Variants in ZFAND6 observed in about 807,000 individuals in gnomAD.
The protein encoded by ZFAND6 is AN1-type zinc finger protein 6.
ZFAND6 carries 12 observed loss-of-function variants against 24.5 expected under a neutral mutation model. The observed-to-expected ratio is 0.49, with a 90% CI of 0.31 to 0.79. The LOEUF (loss-of-function observed/expected upper bound fraction) is 0.79, where lower values mean the gene tolerates loss of function less well. Ranked by LOEUF, ZFAND6 falls within the 30% of genes least tolerant of loss-of-function variation. The pLI is 0.04. For synonymous variants in ZFAND6, 92 were observed against 81.5 expected (o/e 1.13, Z -0.69); for missense variants, 207 against 245.9 (o/e 0.84, Z 1.06).
chr15:80,135,636 A>G (rs2040827491), intron 6 of ZFAND6, among the ~76,000 whole-genome samples: 1 of 152,264 alleles, frequency 6.6e-6, no homozygotes, highest in African/African-American at 2.4e-5. Flanking sequence ...TTAGAGTTTA[A>G]TATCAAAGAT....
intron 1 of ZFAND6, among the ~76,000 whole-genome samples, chr15:80,082,150 A>G (rs1262486546): frequency 6.6e-6 from 1 of 152,174 alleles, no homozygotes; most frequent in Non-Finnish European, 1.5e-5. Context: ...TGGAGTATAC[A>G]TAGGATATGG....
At chr15:80,115,655 AT>A (rs776184990) in intron 2 of ZFAND6, among the ~76,000 whole-genome samples, 5 of 150,686 alleles carry the variant, frequency 3.3e-5, no homozygotes, top group Non-Finnish European at 7.4e-5. Context: ...GTAAAGGTAC[AT>A]TTTATGGCCT....
chr15:80,107,243 A>G (rs2039379927), intron 2 of ZFAND6, among the ~76,000 whole-genome samples: 1 of 152,136 alleles, frequency 6.6e-6, no homozygotes, highest in African/African-American at 2.4e-5. Flanking sequence ...AGTAAAAATA[A>G]TTTGTTTCAT....
chr15:80,137,481 G>A lies in ZFAND6; in HGVS notation c.480G>A (p.Gly160=), dbSNP rs1334361991. Residue 160 remains glycine (G), a splice_region_variant and synonymous_variant, in exon 7 of 7, where the codon GGG becomes GGA. Coordinates refer to ENST00000261749, the MANE Select transcript of ZFAND6 (RefSeq NM_019006.4). ...FMCRKKVGLT[G]FECRCGNVYC... is the part of the protein sequence containing the mutation. ...GTATGTGTATTACTCCATTTCCAGGGTTTGAATGCCGGTGTGGAAATGTTT... is the reference window on the plus strand; with the variant it reads ...GTATGTGTATTACTCCATTTCCAGGATTTGAATGCCGGTGTGGAAATGTTT... 3 of 1,599,940 alleles carry A rather than the reference G, an allele frequency of 1.9e-6. No individual in the cohort carries two copies. The highest frequency in any genetic ancestry group is 2.7e-5 in the African/African-American group (2 of 73,910).
chr15:80,108,438 A>T (rs2039447412), intron 2 of ZFAND6, among the ~76,000 whole-genome samples: 1 of 152,158 alleles, frequency 6.6e-6, no homozygotes, highest in African/African-American at 2.4e-5. Flanking sequence ...AAGAAAGAGA[A>T]TGAATGTCCA....
At chr15:80,107,925 G>A (rs1001528932) in intron 2 of ZFAND6, among the ~76,000 whole-genome samples, 1 of 152,160 alleles carries the variant, frequency 6.6e-6, no homozygotes, top group Non-Finnish European at 1.5e-5. Context: ...ATCCCCAGGA[G>A]TCCACAGATA....
At position 80,091,614 on chromosome 15, in the gene ZFAND6, A is replaced by G. The variant is rs1258043361; in HGVS notation, c.-180-6802A>G. On this transcript the variant is annotated intron_variant, in intron 1 of 6. Transcript: ENST00000261749. ...CTTCTTCATCTCTAATAACAGATAC[A>G]AATTTTTAATATATTTACTATTAAA... Among the ~76,000 whole-genome samples the G allele has an allele frequency of 4.7e-5, 7 of 149,870 alleles. No individual in the cohort carries two copies. The Admixed American group carries it at 4.8e-4, about 10-fold the overall frequency.
At chr15:80,109,589 G>C (rs894163808) in intron 2 of ZFAND6, among the ~76,000 whole-genome samples, 1 of 152,188 alleles carries the variant, frequency 6.6e-6, no homozygotes, top group Non-Finnish European at 1.5e-5. Context: ...AAAAGAGGAA[G>C]TCATGTAATG....
chr15:80,093,554 C>T (rs1463636339), intron 1 of ZFAND6, among the ~76,000 whole-genome samples: 1 of 151,950 alleles, frequency 6.6e-6, no homozygotes, highest in African/African-American at 2.4e-5. Context: ...TGGTGAAACT[C>T]CGTCTCTACT....
rs1351918083 is a variant in ZFAND6 at position 80,099,488 on chromosome 15, A to G, written c.-18+910A>G. On this transcript the variant is annotated intron_variant, in intron 2 of 6. Transcript: ENST00000261749. ...GGAATGTTATGCAGTGTATGCACTA[A>G]AATGAAATTACTTTCTCTTTCATAA... Among the ~76,000 whole-genome samples the G allele has an allele frequency of 2.0e-5, 3 of 152,228 alleles. No individual in the cohort carries two copies. The East Asian group carries it at 5.8e-4, about 29-fold the overall frequency.
chr15:80,135,007 A>G (rs1373913395), intron 6 of ZFAND6, among the ~76,000 whole-genome samples: 1 of 152,186 alleles, frequency 6.6e-6, no homozygotes, highest in Non-Finnish European at 1.5e-5. Flanking sequence ...ATTACATTGT[A>G]TTTCCATAAA....
chr15:80,086,503 A>G (rs2038014911), intron 1 of ZFAND6, among the ~76,000 whole-genome samples: 2 of 152,250 alleles, frequency 1.3e-5, no homozygotes, highest in South Asian at 2.1e-4. Context: ...TTTGTAAACA[A>G]TCCCCTTTCC....
intron 4 of ZFAND6, among the ~76,000 whole-genome samples, chr15:80,122,421 T>C (rs970201639): frequency 6.6e-6 from 1 of 151,674 alleles, no homozygotes; most frequent in Non-Finnish European, 1.5e-5. Flanking sequence ...TCTTTAAGCA[T>C]GTCTTTATCA....
intron 2 of ZFAND6, among the ~76,000 whole-genome samples, chr15:80,112,047 G>T (rs577917605): frequency 1.3e-5 from 2 of 152,258 alleles, no homozygotes; most frequent in East Asian, 3.9e-4. Context: ...ATCACCTGAG[G>T]TCAGCAGTTC....
rs899528057 is a variant in ZFAND6 at position 80,131,403 on chromosome 15, T to C, written c.478+110T>C. On this transcript the variant is annotated intron_variant, in intron 6 of 6. Transcript: ENST00000261749. ...GTTCCTGTTCCCTTGAGAGTTAATATTGGATATACTTCACCTTCTGAATTT... is the reference window on the plus strand; with the variant it reads ...GTTCCTGTTCCCTTGAGAGTTAATACTGGATATACTTCACCTTCTGAATTT... 10 of 816,426 alleles carry C rather than the reference T, an allele frequency of 1.2e-5. No individual in the cohort carries two copies. The African/African-American group carries it at 1.6e-4, about 13-fold the overall frequency. The allele number at this position is 816,426 out of a possible 1,614,324, so 50.6% of individuals were successfully genotyped here.
chr15:80,134,936 GGAA>G (rs773419093), intron 6 of ZFAND6, among the ~76,000 whole-genome samples: 11 of 152,172 alleles, frequency 7.2e-5, no homozygotes, highest in African/African-American at 1.4e-4. Flanking sequence ...AGCAAATGGT[GGAA>G]GAAGGATTGG....
intron 5 of ZFAND6, among the ~76,000 whole-genome samples, chr15:80,124,082 T>G (rs1331291032): frequency 1.3e-5 from 2 of 152,246 alleles, no homozygotes; most frequent in African/African-American, 4.8e-5. Flanking sequence ...TGAATAATTC[T>G]TATTTCTTAG....
At chr15:80,079,309 C>T (rs2037496524) in intron 1 of ZFAND6, among the ~76,000 whole-genome samples, 1 of 151,958 alleles carries the variant, frequency 6.6e-6, no homozygotes, top group Admixed American at 6.6e-5. Context: ...CAAGCTCCGC[C>T]TCCTGGGTTC....
At chr15:80,066,152 G>A (rs1482831522) in intron 1 of ZFAND6, among the ~76,000 whole-genome samples, 1 of 152,042 alleles carries the variant, frequency 6.6e-6, no homozygotes, top group Non-Finnish European at 1.5e-5. Flanking sequence ...ACAAACCAAC[G>A]AATAAAGAAT....
Sources: allele counts gnomAD v4.1 joint callset (sites outside exome capture counted in the v4.1 genomes callset), GRCh38; gene constraint gnomAD v4.1.1; transcripts MANE v1.5; gene names NCBI Gene and HGNC (gene_info 2026-07-23, HGNC 2026-07-21).